Variants in PLA2G2D observed in about 807,000 individuals in gnomAD.
PLA2G2D encodes group IID secretory phospholipase A2.
A neutral mutation model predicts 13.9 loss-of-function variants in PLA2G2D; 17 were observed. The ratio of observed to expected loss-of-function variants is 1.23; its 90% CI spans 0.84 to 1.84. PLA2G2D has a LOEUF of 1.84. PLA2G2D is among the 40% of genes most tolerant of loss of function. PLA2G2D has a pLI of 0.00. For synonymous variants in PLA2G2D, 83 were observed against 69.3 expected (o/e 1.20, Z -0.98); for missense variants, 194 against 178.7 (o/e 1.09, Z -0.49).
intron 1 of PLA2G2D, among the ~76,000 whole-genome samples, chr1:20,118,309 C>T (rs1386743750): frequency 6.6e-6 from 1 of 152,146 alleles, no homozygotes; most frequent in Non-Finnish European, 1.5e-5. Context: ...GTGAAAAATA[C>T]ATTCAGCTTT....
intron 3 of PLA2G2D, among the ~76,000 whole-genome samples, chr1:20,114,496 C>T (rs1037649698): frequency 1.3e-5 from 2 of 152,104 alleles, no homozygotes; most frequent in East Asian, 1.9e-4. Flanking sequence ...TACCGTGTCA[C>T]GGCAGGAGAG....
chr1:20,114,023 A>C lies in PLA2G2D; in HGVS notation c.*91T>G. 1.7e-6 allele frequency: 2 copies of C among 1,204,962 alleles called. No homozygotes were observed. The highest frequency in any genetic ancestry group is 2.4e-6 in the Non-Finnish European group (2 of 844,900). 74.6% of individuals were successfully genotyped at this position (1,204,962 alleles called of 1,614,324 possible). ...GGAGGCTGGGACTACCTCCCCCCGG[A>C]GTGTTTGAAAAGCCAGGCTGGTTCA... On this transcript the variant is annotated 3_prime_UTR_variant, in exon 4 of 4. Transcript: ENST00000375105.
In PLA2G2D at chr1:20,115,608, C is replaced by A; in HGVS notation, c.191G>T (p.Cys64Phe). 6.2e-7 allele frequency: 1 copy of A among 1,605,252 alleles called. No individual in the cohort carries two copies. Among genetic ancestry groups the A allele is most frequent in the Non-Finnish European group, 8.5e-7 (1 of 1,172,032 alleles). ...GTCATAGCAGCAGTCATGGGTCTGG[C>A]AGCACCTGGAGCAGACAGGGTGCAC... ...GQPKDATDWCCQTHDCCYDHL... is the reference protein window; with the variant it reads ...GQPKDATDWCFQTHDCCYDHL... Residue 64 changes from cysteine (C) to phenylalanine (F), a missense_variant, in exon 3 of 4, where the codon TGC becomes TTC. Coordinates refer to ENST00000375105, the MANE Select transcript of PLA2G2D (RefSeq NM_012400.4).
intron 1 of PLA2G2D, among the ~76,000 whole-genome samples, chr1:20,117,352 T>A (rs2017009880): frequency 6.6e-6 from 1 of 152,008 alleles, no homozygotes; most frequent in South Asian, 2.1e-4. Flanking sequence ...TCCCACTCCA[T>A]AATAGGAAGA....
intron 2 of PLA2G2D, among the ~76,000 whole-genome samples, 167 bp from the exon 3 acceptor site, chr1:20,115,780 A>G (rs569039): frequency 0.018 from 2,739 of 152,252 alleles, 79 homozygotes; most frequent in African/African-American, 0.062. Flanking sequence ...AGCGATTCCT[A>G]TGCACTAGAC....
chr1:20,116,629 A>C (rs965601823), intron 1 of PLA2G2D, 152 bp from the exon 2 acceptor site: 1 of 680,468 alleles, frequency 1.5e-6, no homozygotes, highest in African/African-American at 1.8e-5. Context: ...GCTATTAAAA[A>C]TATAGCGACA....
In PLA2G2D at chr1:20,113,760, T is replaced by G; in HGVS notation, c.*354A>C. The G allele has an allele frequency of 4.4e-6, 1 of 227,290 alleles. No individual in the cohort carries two copies. Among genetic ancestry groups the G allele is most frequent in the Non-Finnish European group, 8.6e-6 (1 of 116,022 alleles). 14.1% of individuals were successfully genotyped at this position (227,290 alleles called of 1,614,324 possible). On this transcript the variant is annotated 3_prime_UTR_variant, in exon 4 of 4. Coordinates refer to ENST00000375105, the MANE Select transcript of PLA2G2D (RefSeq NM_012400.4). ...TTGCCCTTTATAGTGGCTGCTGCGG[T>G]TGTAGCTCCGAGACTATATTGGAGG...
chr1:20,116,298 C>T (rs748797711), intron 2 of PLA2G2D, 35 bp downstream of exon 2: 1 of 1,606,070 alleles, frequency 6.2e-7, no homozygotes, highest in Admixed American at 1.7e-5. Context: ...TAGTCGGGGA[C>T]AGTATAGGAT....
intron 3 of PLA2G2D, among the ~76,000 whole-genome samples, chr1:20,115,286 G>A (rs1047147252): frequency 2.0e-5 from 3 of 152,160 alleles, no homozygotes; most frequent in Admixed American, 2.0e-4. Flanking sequence ...CACCAAGCTG[G>A]TCAGTCGTGG....
intron 2 of PLA2G2D, 69 bp downstream of exon 2, chr1:20,116,264 G>A: frequency 6.9e-7 from 1 of 1,440,388 alleles, no homozygotes; most frequent in Non-Finnish European, 9.8e-7. Flanking sequence ...TGAACAGGTG[G>A]GTGGAGAGAA....
chr1:20,111,987 G>A lies in PLA2G2D; in HGVS notation c.*2127C>T, dbSNP rs1468138512. 3 of 84,570 alleles carry A rather than the reference G, an allele frequency of 3.5e-5. No homozygotes were observed. Among genetic ancestry groups the A allele is most frequent in the African/African-American group, 1.3e-4 (3 of 23,698 alleles). 5.2% of individuals were successfully genotyped at this position (84,570 alleles called of 1,614,324 possible). A position where few individuals can be genotyped will look rare whatever the true frequency, so the allele number is the denominator to read the frequency against. On this transcript the variant is annotated 3_prime_UTR_variant, in exon 4 of 4. Coordinates refer to ENST00000375105, the MANE Select transcript of PLA2G2D (RefSeq NM_012400.4). ...TATTTTATTTTATTTTATTTTTTGA[G>A]ACAGAGTGTCACTCTGTTGCCCAGG...
chr1:20,115,508 G>A lies in PLA2G2D; in HGVS notation c.291C>T (p.Cys97=), dbSNP rs768277663. 3.9e-6 allele frequency: 6 copies of A among 1,558,296 alleles called. No homozygotes were observed. The highest frequency in any genetic ancestry group is 1.4e-5 in the African/African-American group (1 of 73,428). The part of the protein sequence containing the change: ...RYNFSQGNIH[C]SDKGSWCEQQ... ...CTGCCCTGAGGTCTGCGTACTCACA[G>A]CAGTGGATGTTCCCCTGGGAAAAGT... The change falls in exon 3 of 4, where the codon TGC becomes TGT. Residue 97 remains cysteine, a splice_region_variant and synonymous_variant. Transcript: ENST00000375105.
In PLA2G2D at chr1:20,112,493, A is replaced by G. The variant is rs1254367354; in HGVS notation, c.*1621T>C. 3 of 152,166 alleles carry G rather than the reference A, an allele frequency of 2.0e-5. No homozygotes were observed. The highest frequency in any genetic ancestry group is 7.2e-5 in the African/African-American group (3 of 41,426). The allele number at this position is 152,166 out of a possible 1,614,324, so 9.4% of individuals were successfully genotyped here. A position where few individuals can be genotyped will look rare whatever the true frequency, so the allele number is the denominator to read the frequency against. ...AGAACTGCTCAGTCAGCTGAGGCAC[A>G]GATGGTGCCACAGGCCCAGAGTGTG... On this transcript the variant is annotated 3_prime_UTR_variant, in exon 4 of 4. Coordinates refer to ENST00000375105, the MANE Select transcript of PLA2G2D (RefSeq NM_012400.4).
chr1:20,114,247 C>T lies in PLA2G2D; in HGVS notation c.305G>A (p.Ser102Asn). The T allele has an allele frequency of 6.2e-7, 1 of 1,613,624 alleles. No individual in the cohort carries two copies. The highest frequency in any genetic ancestry group is 8.5e-7 in the Non-Finnish European group (1 of 1,179,648). The change falls in exon 4 of 4, where the codon AGC becomes AAC. Residue 102 changes from serine (S) to asparagine (N), a missense_variant. Ser to Asn is a conservative substitution (Grantham distance 46). Coordinates refer to ENST00000375105, the MANE Select transcript of PLA2G2D (RefSeq NM_012400.4). ...GGCACACAGCTGCTGCTCACACCAG[C>T]TTCCCTTGTCAGCTGTGGACGGAGA... ...QGNIHCSDKG[S>N]WCEQQLCACD...
chr1:20,111,948 A>C lies in PLA2G2D; in HGVS notation c.*2166T>G, dbSNP rs1348188698. On this transcript the variant is annotated 3_prime_UTR_variant, in exon 4 of 4. Coordinates refer to ENST00000375105, the MANE Select transcript of PLA2G2D (RefSeq NM_012400.4). ...ATTTTATTTTATTTTATTTTATTTT[A>C]TTTTATTTTATTTTATTTTATTTTA... 6.8e-6 allele frequency: 1 copy of C among 146,174 alleles called. No homozygotes were observed. Among genetic ancestry groups the C allele is most frequent in the African/African-American group, 2.5e-5 (1 of 39,556 alleles). 9.1% of individuals were successfully genotyped at this position (146,174 alleles called of 1,614,324 possible).
At chr1:20,119,204 G>C (rs536286294) in intron 1 of PLA2G2D, among the ~76,000 whole-genome samples, 56 of 152,300 alleles carry the variant, frequency 3.7e-4, no homozygotes, top group Middle Eastern at 3.4e-3. Context: ...CCTGGTGCTG[G>C]ACTTCTAGTT....
chr1:20,119,116 G>A (rs1046500151), intron 1 of PLA2G2D, among the ~76,000 whole-genome samples: 1 of 152,160 alleles, frequency 6.6e-6, no homozygotes, highest in Non-Finnish European at 1.5e-5. Flanking sequence ...GCATTCGTAC[G>A]GGTTGCTCCT....
intron 1 of PLA2G2D, among the ~76,000 whole-genome samples, chr1:20,117,046 T>C (rs1004358720): frequency 6.6e-6 from 1 of 152,118 alleles, no homozygotes; most frequent in Non-Finnish European, 1.5e-5. Flanking sequence ...GGATAATTAC[T>C]GTCATATTAA....
In PLA2G2D at chr1:20,116,339, G is replaced by T. The variant is rs370896158; in HGVS notation, c.179C>A (p.Thr60Lys). The T allele has an allele frequency of 3.1e-6, 5 of 1,614,142 alleles. No individual in the cohort carries two copies. The highest frequency in any genetic ancestry group is 4.2e-6 in the Non-Finnish European group (5 of 1,179,942). ...GCCCTGAGAAAGGAGTTACCAGTCC[G>T]TGGCATCTTTGGGTTGGCCTCTGCC... ...LGGRGQPKDA[T>K]DWCCQTHDCC... The change falls in exon 2 of 4, where the codon ACG becomes AAG. Residue 60 changes from threonine to lysine, a missense_variant. Physicochemically the swap from Thr to Lys is moderately conservative, Grantham distance 78. Coordinates refer to ENST00000375105, the MANE Select transcript of PLA2G2D (RefSeq NM_012400.4).
Sources: gnomAD v4.1 joint callset for allele counts (sites outside exome capture counted in the v4.1 genomes callset) on GRCh38, gnomAD v4.1.1 for gene constraint, MANE v1.5 for transcripts, NCBI Gene and HGNC (gene_info 2026-07-23, HGNC 2026-07-21) for gene names.